Variants in KCNN2 observed in about 807,000 individuals in gnomAD.
KCNN2 encodes the protein potassium calcium-activated channel subfamily N member 2.
KCNN2 carries 24 observed loss-of-function variants against 55.5 expected under a neutral mutation model. The observed-to-expected ratio is 0.43, with a 90% CI of 0.31 to 0.61. The LOEUF (loss-of-function observed/expected upper bound fraction) is 0.61, where lower values mean the gene tolerates loss of function less well. KCNN2 is among the 20% of genes least tolerant of loss of function. The pLI is 0.08. For missense variants in KCNN2, 754 were observed against 853.6 expected (o/e 0.88, Z 1.45); for synonymous variants, 431 against 336.1 (o/e 1.28, Z -3.09).
intron 1 of KCNN2, among the ~76,000 whole-genome samples, chr5:114,204,772 C>T (rs1753737245): frequency 1.3e-5 from 2 of 152,164 alleles, no homozygotes; most frequent in African/African-American, 4.8e-5. Flanking sequence ...TGTAAATTGG[C>T]CTGACTGATT....
intron 2 of KCNN2, among the ~76,000 whole-genome samples, chr5:114,396,460 C>A (rs1052936289): frequency 1.4e-4 from 21 of 151,680 alleles, no homozygotes; most frequent in African/African-American, 4.9e-4. Flanking sequence ...GGTACATGTG[C>A]AGGTTTGTTA....
chr5:114,069,241 A>T (rs190414038), intron 1 of KCNN2, among the ~76,000 whole-genome samples: 60 of 152,280 alleles, frequency 3.9e-4, no homozygotes, highest in Middle Eastern at 3.4e-3. Flanking sequence ...TTGCCAGCTC[A>T]CTTACTTACT....
chr5:114,078,959 A>G (rs2112537342), intron 1 of KCNN2, among the ~76,000 whole-genome samples: 1 of 152,262 alleles, frequency 6.6e-6, no homozygotes, highest in South Asian at 2.1e-4. Flanking sequence ...TGTGTCTATC[A>G]ACCATATTCA....
At position 114,362,787 on chromosome 5, in the gene KCNN2, C is replaced by A; in HGVS notation, c.648C>A (p.Cys216Ter). Residue 216 changes from cysteine to a stop codon, truncating the protein, a stop_gained, in exon 1 of 8, where the codon TGC (cysteine) becomes TGA (stop). Coordinates refer to ENST00000673685, the MANE Select transcript of KCNN2 (RefSeq NM_021614.4). LOFTEE classifies it high-confidence loss of function. Reference protein sequence around the residue: ...NPFTEIAMSSCRYNGGVMRPL... With the variant: ...NPFTEIAMSS Reference sequence around the variant, plus strand: ...TCACCGAAATAGCCATGAGCAGCTGCAGGTACAACGGGGGCGTCATGCGGC... The same window carrying A: ...TCACCGAAATAGCCATGAGCAGCTGAAGGTACAACGGGGGCGTCATGCGGC... 1 of 1,592,412 alleles carries A rather than the reference C, an allele frequency of 6.3e-7. No homozygotes were observed.
Position 114,496,052 on chromosome 5 carries a change from G to C in KCNN2, c.2246G>C (p.Arg749Thr), listed in dbSNP as rs1327486059. Reference sequence around the variant, plus strand: ...AGCCAGACCATCAGGCAGCAGCAGAGAGATTTCATTGAGGCTCAGATGGAG... The same window carrying C: ...AGCCAGACCATCAGGCAGCAGCAGACAGATTTCATTGAGGCTCAGATGGAG... ...LISQTIRQQQ[R>T]DFIEAQMESY... The change falls in exon 8 of 8, where the codon AGA becomes ACA. Residue 749 changes from arginine (R) to threonine (T), a missense_variant. Physicochemically the swap from Arg to Thr is moderately conservative, Grantham distance 71. Transcript: ENST00000673685. 1.2e-6 allele frequency: 2 copies of C among 1,614,078 alleles called. No homozygotes were observed. The highest frequency in any genetic ancestry group is 2.2e-5 in the South Asian group (2 of 91,084).
In KCNN2 at chr5:114,189,463, A is replaced by G. The variant is rs114062057; in HGVS notation, c.-270-32017A>G. On this transcript the variant is annotated intron_variant, in intron 1 of 10. Transcript: ENST00000512097. Reference sequence around the variant, plus strand: ...ATTAGGGAGGACAATCTGCTTACCAATTAAATGTTGATCTTGTCCAAAAAC... The same window carrying G: ...ATTAGGGAGGACAATCTGCTTACCAGTTAAATGTTGATCTTGTCCAAAAAC... Among the ~76,000 whole-genome samples, 876 of 152,296 alleles carry G rather than the reference A, an allele frequency of 5.8e-3. 9 individuals carry two copies. Among genetic ancestry groups the G allele is most frequent in the African/African-American group, 0.02 (826 of 41,566 alleles).
intron 1 of KCNN2, among the ~76,000 whole-genome samples, chr5:114,079,415 T>G (rs1750753359): frequency 6.6e-6 from 1 of 152,198 alleles, no homozygotes; most frequent in Non-Finnish European, 1.5e-5. Context: ...AGTTAAACTC[T>G]TTCTTAATTA....
intron 2 of KCNN2, among the ~76,000 whole-genome samples, chr5:114,355,769 A>C (rs926473708): frequency 5.9e-5 from 9 of 152,192 alleles, no homozygotes; most frequent in Non-Finnish European, 1.0e-4. Flanking sequence ...AAAAAACTAA[A>C]TAGCATTTGC....
In KCNN2 at chr5:114,132,092, C is replaced by T. The variant is rs553288098; in HGVS notation, c.-271+75592C>T. The stretch of plus-strand genomic sequence containing the variant: ...CCATTCTGTAGTTTGTCTGTTCACT[C>T]TGATAATAGTTTCTTTTGCTGTGCA... On this transcript the variant is annotated intron_variant, in intron 1 of 10. Transcript: ENST00000512097. 3.3e-5 allele frequency among the ~76,000 whole-genome samples: 5 copies of T among 152,266 alleles called. No individual in the cohort carries two copies. In the South Asian group the frequency reaches 1.0e-3, roughly 32 times the overall value.
intron 5 of KCNN2, chr5:114,486,661 A>T: frequency 9.5e-7 from 1 of 1,055,926 alleles, no homozygotes; most frequent in Non-Finnish European, 1.3e-6. Flanking sequence ...AAAGGACAAG[A>T]TTAACCTTGG....
chr5:114,067,576 T>C lies in KCNN2; in HGVS notation c.-271+11076T>C, dbSNP rs141561877. Among the ~76,000 whole-genome samples, 1,003 of 152,332 alleles carry C rather than the reference T, an allele frequency of 6.6e-3. 13 individuals carry two copies. The highest frequency in any genetic ancestry group is 0.022 in the African/African-American group (930 of 41,566). On this transcript the variant is annotated intron_variant, in intron 1 of 10. Transcript: ENST00000512097. ...GGTATTTTTATTCCTTTTAAGATTC[T>C]AGTCAGAATTATAAAATTATAACTT...
At chr5:114,370,944 T>G (rs963371396) in intron 2 of KCNN2, among the ~76,000 whole-genome samples, 2 of 140,754 alleles carry the variant, frequency 1.4e-5, no homozygotes, top group African/African-American at 5.5e-5. Context: ...TGGATACTAT[T>G]AGGTAGTTGT....
At chr5:114,420,585 G>A (rs57406559) in intron 3 of KCNN2, among the ~76,000 whole-genome samples, 4,478 of 152,204 alleles carry the variant, frequency 0.029, 181 homozygotes, top group African/African-American at 0.098. Flanking sequence ...TCTCTCTTAA[G>A]CAATACTACC....
chr5:114,112,889 G>A (rs999117627), intron 1 of KCNN2, among the ~76,000 whole-genome samples: 2 of 151,992 alleles, frequency 1.3e-5, no homozygotes, highest in African/African-American at 4.8e-5. Flanking sequence ...CATCCTCTCA[G>A]TTCAGAGAAT....
At chr5:114,060,918 C>T (rs552309035) in intron 1 of KCNN2, among the ~76,000 whole-genome samples, 1 of 152,224 alleles carries the variant, frequency 6.6e-6, no homozygotes, top group South Asian at 2.1e-4. Flanking sequence ...CCTCCTTACT[C>T]AGTAGGGCCA....
chr5:114,159,928 A>G (rs1394934277), intron 1 of KCNN2, among the ~76,000 whole-genome samples: 1 of 151,928 alleles, frequency 6.6e-6, no homozygotes, highest in East Asian at 1.9e-4. Context: ...TGGTCTATCA[A>G]TTTTGTTGAT....
intron 2 of KCNN2, among the ~76,000 whole-genome samples, chr5:114,273,681 C>T (rs377225475): frequency 1.3e-5 from 2 of 152,086 alleles, no homozygotes; most frequent in East Asian, 1.9e-4. Context: ...TATCCTTTGC[C>T]CATTTTTGGA....
intron 1 of KCNN2, among the ~76,000 whole-genome samples, chr5:114,081,505 C>T (rs1750819430): frequency 1.3e-5 from 2 of 152,162 alleles, no homozygotes; most frequent in African/African-American, 2.4e-5. Flanking sequence ...TGATTTTTGA[C>T]AAGACTGCTG....
At chr5:114,252,693 T>C (rs955874982) in intron 2 of KCNN2, among the ~76,000 whole-genome samples, 1 of 151,994 alleles carries the variant, frequency 6.6e-6, no homozygotes, top group African/African-American at 2.4e-5. Context: ...TCTGCCATTT[T>C]CTCTGTTTCT....
Sources: allele counts gnomAD v4.1 joint callset (sites outside exome capture counted in the v4.1 genomes callset), GRCh38; gene constraint gnomAD v4.1.1; transcripts MANE v1.5; gene names NCBI Gene and HGNC (gene_info 2026-07-23, HGNC 2026-07-21).